Variants in IGFBP7 observed in about 807,000 individuals in gnomAD.
The protein encoded by IGFBP7 is insulin like growth factor binding protein 7.
IGFBP7 carries 31 observed loss-of-function variants against 29.4 expected under a neutral mutation model. That is an observed-to-expected ratio of 1.05 (90% confidence interval 0.79 to 1.42). The LOEUF is 1.42. Ranked by LOEUF, IGFBP7 falls within the 40% of genes most tolerant of loss-of-function variation. IGFBP7 has a pLI of 0.00. For missense variants in IGFBP7, 393 were observed against 395.5 expected, an observed-to-expected ratio of 0.99 and a Z score of 0.05; for synonymous variants, 172 against 174.9, an observed-to-expected ratio of 0.98 and a Z score of 0.13.
chr4:57,106,854 T>A (rs1010403349), intron 1 of IGFBP7, among the ~76,000 whole-genome samples: 3 of 152,228 alleles, frequency 2.0e-5, no homozygotes, highest in Non-Finnish European at 4.4e-5. Context: ...CTTCTTTTTA[T>A]TAAATGGAAT....
At chr4:57,057,610 A>C (rs1724705558) in intron 1 of IGFBP7, among the ~76,000 whole-genome samples, 1 of 152,170 alleles carries the variant, frequency 6.6e-6, no homozygotes. Flanking sequence ...AGTACTCCCG[A>C]AATTGGCCTT....
At chr4:57,055,587 A>G (rs948374617) in intron 1 of IGFBP7, among the ~76,000 whole-genome samples, 1 of 152,172 alleles carries the variant, frequency 6.6e-6, no homozygotes, top group African/African-American at 2.4e-5. Context: ...GGGTACAGAC[A>G]CCTGATAACA....
Position 57,032,427 on chromosome 4 carries a change from T to A in IGFBP7, c.828A>T (p.Lys276Asn). The part of the protein sequence containing the change: ...VDALHEIPVK[K>N]GEGAEL ...ATGGCTGTGAGATTTATTGTGTACC[T>A]TTTTTCACTGGTATTTCATGTAAGG... The change falls in exon 4 of 5, where the codon AAA becomes AAT. Residue 276 changes from lysine (K) to asparagine (N), a missense_variant and splice_region_variant. Coordinates refer to ENST00000295666, the MANE Select transcript of IGFBP7 (RefSeq NM_001553.3). The A allele has an allele frequency of 6.2e-7, 1 of 1,612,422 alleles. No individual in the cohort carries two copies. Among genetic ancestry groups the A allele is most frequent in the South Asian group, 1.1e-5 (1 of 90,996 alleles).
chr4:57,089,408 A>T (rs567004274), intron 1 of IGFBP7, among the ~76,000 whole-genome samples: 1 of 152,270 alleles, frequency 6.6e-6, no homozygotes, highest in Admixed American at 6.5e-5. Context: ...GGAAAGAGTG[A>T]AATGTCATTT....
chr4:57,086,836 C>T (rs1016877794), intron 1 of IGFBP7, among the ~76,000 whole-genome samples: 3 of 152,148 alleles, frequency 2.0e-5, no homozygotes, highest in East Asian at 1.9e-4. Flanking sequence ...CAAGTTCAAG[C>T]GATTCTCCTG....
chr4:57,079,923 T>C (rs1292015021), intron 1 of IGFBP7, among the ~76,000 whole-genome samples: 2 of 152,226 alleles, frequency 1.3e-5, no homozygotes, highest in African/African-American at 4.8e-5. Flanking sequence ...GTTAAGTGGC[T>C]ATGCTTATTA....
chr4:57,040,763 C>T (rs1221699579), intron 2 of IGFBP7, 61 bp downstream of exon 2: 3 of 1,172,688 alleles, frequency 2.6e-6, no homozygotes, highest in East Asian at 2.3e-5. Flanking sequence ...TTTTACCATC[C>T]TTGTGCAGTG....
chr4:57,101,515 G>A (rs1578653172), intron 1 of IGFBP7, among the ~76,000 whole-genome samples: 1 of 152,118 alleles, frequency 6.6e-6, no homozygotes, highest in Admixed American at 6.5e-5. Flanking sequence ...AGCTCCAGCT[G>A]TTTCTAATTA....
At chr4:57,093,226 C>T (rs754636932) in intron 1 of IGFBP7, among the ~76,000 whole-genome samples, 43 of 152,320 alleles carry the variant, frequency 2.8e-4, no homozygotes, top group South Asian at 2.1e-4. Flanking sequence ...CCAGGCTGGG[C>T]GCAGTGGCTC....
intron 1 of IGFBP7, among the ~76,000 whole-genome samples, chr4:57,077,789 G>A (rs550883586): frequency 1.3e-5 from 2 of 152,256 alleles, no homozygotes; most frequent in South Asian, 2.1e-4. Flanking sequence ...TCTGCATTCC[G>A]ATCCAGGTGA....
At chr4:57,061,915 G>A (rs1431038786) in intron 1 of IGFBP7, among the ~76,000 whole-genome samples, 4 of 151,918 alleles carry the variant, frequency 2.6e-5, no homozygotes, top group Admixed American at 6.6e-5. Context: ...CTCCTGCCTC[G>A]GCCTCCCAAA....
At chr4:57,049,729 A>T (rs1724457812) in intron 1 of IGFBP7, among the ~76,000 whole-genome samples, 1 of 152,190 alleles carries the variant, frequency 6.6e-6, no homozygotes, top group African/African-American at 2.4e-5. Flanking sequence ...GGATGCCAGC[A>T]TCCTGTCGGA....
chr4:57,043,976 C>T (rs1724294411), intron 1 of IGFBP7, among the ~76,000 whole-genome samples: 1 of 152,238 alleles, frequency 6.6e-6, no homozygotes, highest in Non-Finnish European at 1.5e-5. Context: ...CTGCTCTGTT[C>T]TCCTTCCCAC....
At chr4:57,061,043 G>A (rs1045165098) in intron 1 of IGFBP7, among the ~76,000 whole-genome samples, 8 of 143,496 alleles carry the variant, frequency 5.6e-5, no homozygotes, top group African/African-American at 1.6e-4. Flanking sequence ...GGGCAACAGC[G>A]AGATTTCGTC....
chr4:57,053,342 C>T (rs1245245223), intron 1 of IGFBP7, among the ~76,000 whole-genome samples: 2 of 141,532 alleles, frequency 1.4e-5, no homozygotes, highest in Admixed American at 6.8e-5. Context: ...TTATTCTTGT[C>T]CCCTTCCTTG....
intron 1 of IGFBP7, among the ~76,000 whole-genome samples, chr4:57,100,110 A>T (rs1160263586): frequency 8.4e-6 from 1 of 118,980 alleles, no homozygotes; most frequent in Non-Finnish European, 1.6e-5. Flanking sequence ...TCACCTTGTC[A>T]TCTAGGCTGG....
chr4:57,053,996 T>A (rs1307967211), intron 1 of IGFBP7, among the ~76,000 whole-genome samples: 2 of 151,972 alleles, frequency 1.3e-5, no homozygotes, highest in Non-Finnish European at 2.9e-5. Flanking sequence ...AGATAGTGAG[T>A]TTCCCTAGGA....
intron 1 of IGFBP7, among the ~76,000 whole-genome samples, chr4:57,075,562 T>C (rs1033589179): frequency 6.6e-5 from 10 of 151,990 alleles, no homozygotes; most frequent in African/African-American, 2.4e-4. Flanking sequence ...TGCCAAGTAA[T>C]ATATTAAAGT....
intron 4 of IGFBP7, chr4:57,032,089 A>T: frequency 4.5e-6 from 1 of 223,846 alleles, no homozygotes; most frequent in Non-Finnish European, 8.5e-6. Context: ...ATTTTCTTTT[A>T]AATAGGAATT....
Sources: allele counts gnomAD v4.1 joint callset (sites outside exome capture counted in the v4.1 genomes callset), GRCh38; gene constraint gnomAD v4.1.1; transcripts MANE v1.5; gene names NCBI Gene and HGNC (gene_info 2026-07-23, HGNC 2026-07-21).